The following ZFHX4 variants were observed in gnomAD, a reference collection of about 807,000 sequenced individuals.
The protein encoded by ZFHX4 is zinc finger homeobox protein 4.
ZFHX4 carries 56 observed loss-of-function variants against 267.6 expected under a neutral mutation model. The observed-to-expected ratio is 0.21, with a 90% CI of 0.17 to 0.26. The LOEUF (loss-of-function observed/expected upper bound fraction) is 0.26. Ranked by LOEUF, ZFHX4 falls within the 10% of genes least tolerant of loss-of-function variation. ZFHX4 has a pLI of 1.00. For synonymous variants in ZFHX4, 1,778 were observed against 1,665.6 expected, an observed-to-expected ratio of 1.07 and a Z score of -1.64; for missense variants, 4,332 against 4,420.0, an observed-to-expected ratio of 0.98 and a Z score of 0.56.
chr8:76,851,470 C>A lies in ZFHX4; in HGVS notation c.4549C>A (p.Pro1517Thr). ...TATTCCAGATGACATGGGCTCTGAA[C>A]CAAAGCGGACCTTACCTTTTAGAAA... ...SSIPDDMGSE[P>T]KRTLPFRKGP... Residue 1517 changes from proline (P) to threonine (T), a missense_variant, in exon 10 of 11, where the codon CCA becomes ACA. Pro to Thr is a conservative substitution (Grantham distance 38). Around this residue, in one of 7 missense-constraint regions of ZFHX4, gnomAD observed 1,371 missense variants for 1,423.1 expected, o/e 0.96. Transcript: ENST00000651372. 6.2e-7 allele frequency: 1 copy of A among 1,613,840 alleles called. No homozygotes were observed. Among genetic ancestry groups the A allele is most frequent in the African/African-American group, 1.3e-5 (1 of 75,010 alleles).
Position 76,852,269 on chromosome 8 carries a change from A to C in ZFHX4, c.5348A>C (p.Gln1783Pro). 3 of 1,588,794 alleles carry C rather than the reference A, an allele frequency of 1.9e-6. No homozygotes were observed. Among genetic ancestry groups the C allele is most frequent in the Non-Finnish European group, 2.6e-6 (3 of 1,166,184 alleles). Residue 1783 changes from glutamine (Q) to proline (P), a missense_variant, in exon 10 of 11, where the codon CAA (glutamine) becomes CCA (proline). Around this residue, in one of 7 missense-constraint regions of ZFHX4, gnomAD observed 1,371 missense variants for 1,423.1 expected, o/e 0.96. Coordinates refer to ENST00000651372, the MANE Select transcript of ZFHX4 (RefSeq NM_024721.5). ...CTTGAAGACCTAAAGCAGCAGATTCAAACCCAACATCACGTTGGTCAAACT... is the reference window on the plus strand; with the variant it reads ...CTTGAAGACCTAAAGCAGCAGATTCCAACCCAACATCACGTTGGTCAAACT... ...SLLEDLKQQI[Q>P]TQHHVGQTQL...
chr8:76,823,729 A>G (rs1479632217), intron 4 of ZFHX4, among the ~76,000 whole-genome samples: 4 of 152,202 alleles, frequency 2.6e-5, no homozygotes, highest in Non-Finnish European at 4.4e-5. Context: ...TTAATGGTAA[A>G]TTTATTTCAA....
chr8:76,713,718 C>T (rs1808491334), intron 3 of ZFHX4, among the ~76,000 whole-genome samples: 1 of 152,134 alleles, frequency 6.6e-6, no homozygotes, highest in Non-Finnish European at 1.5e-5. Flanking sequence ...AGAGTCGTGC[C>T]TCCAAAGGTG....
chr8:76,770,551 A>G (rs1439936172), intron 3 of ZFHX4, among the ~76,000 whole-genome samples: 1 of 152,152 alleles, frequency 6.6e-6, no homozygotes, highest in Admixed American at 6.6e-5. Context: ...AGATAAAATA[A>G]TGAACAATAA....
intron 1 of ZFHX4, among the ~76,000 whole-genome samples, chr8:76,688,787 C>A (rs1045808346): frequency 6.6e-6 from 1 of 152,100 alleles, no homozygotes; most frequent in African/African-American, 2.4e-5. Flanking sequence ...GAGGTCACCA[C>A]AAATGATCCA....
In ZFHX4 at chr8:76,853,812, A is replaced by G; in HGVS notation, c.6891A>G (p.Arg2297=). ...NQAETKDNEK[R]ELTNERYIRT... ...CAGAAACAAAAGATAATGAAAAAAGAGAACTCACTAATGAACGGTACATTC... is the reference window on the plus strand; with the variant it reads ...CAGAAACAAAAGATAATGAAAAAAGGGAACTCACTAATGAACGGTACATTC... Residue 2297 remains arginine (R), a synonymous_variant, in exon 10 of 11, where the codon AGA becomes AGG. Transcript: ENST00000651372. 6.2e-7 allele frequency: 1 copy of G among 1,613,866 alleles called. No homozygotes were observed. Among genetic ancestry groups the G allele is most frequent in the Non-Finnish European group, 8.5e-7 (1 of 1,179,830 alleles).
chr8:76,864,505 G>C lies in ZFHX4; in HGVS notation c.10791G>C (p.Lys3597Asn), dbSNP rs1812976392. The C allele has an allele frequency of 6.2e-7, 1 of 1,613,148 alleles. No individual in the cohort carries two copies. The highest frequency in any genetic ancestry group is 8.5e-7 in the Non-Finnish European group (1 of 1,179,610). ...ATAATTCTTTGGAAGTGAAGGCTAA[G>C]CCTGCTTCTGGCCTAGATGGTAATT... ...DLDNSLEVKAKPASGLDGNFN... is the reference protein window; with the variant it reads ...DLDNSLEVKANPASGLDGNFN... The change falls in exon 11 of 11, where the codon AAG (lysine) becomes AAC (asparagine). Residue 3597 changes from lysine to asparagine, a missense_variant. Around this residue, in one of 7 missense-constraint regions of ZFHX4, gnomAD observed 1,648 missense variants for 1,625.0 expected, o/e 1.01. Transcript: ENST00000651372.
intron 1 of ZFHX4, among the ~76,000 whole-genome samples, 175 bp downstream of exon 1, chr8:76,681,795 TCC>T (rs1416049759): frequency 6.6e-6 from 1 of 151,904 alleles, no homozygotes; most frequent in Non-Finnish European, 1.5e-5. Flanking sequence ...GTCGCACACA[TCC>T]CCTCATCCCG....
At chr8:76,804,792 G>T (rs1811205929) in intron 4 of ZFHX4, among the ~76,000 whole-genome samples, 1 of 152,046 alleles carries the variant, frequency 6.6e-6, no homozygotes, top group Non-Finnish European at 1.5e-5. Context: ...GAGGTGAGAG[G>T]TCATGGCGAA....
At chr8:76,794,114 C>A (rs1282395061) in intron 4 of ZFHX4, among the ~76,000 whole-genome samples, 4 of 152,060 alleles carry the variant, frequency 2.6e-5, no homozygotes, top group Non-Finnish European at 5.9e-5. Context: ...CAGAACTTTA[C>A]AAAGCTTTAT....
At chr8:76,842,122 A>G (rs1812249592) in intron 5 of ZFHX4, among the ~76,000 whole-genome samples, 1 of 152,168 alleles carries the variant, frequency 6.6e-6, no homozygotes, top group South Asian at 2.1e-4. Context: ...CAGAAGAAAA[A>G]AAAAATCCCC....
intron 4 of ZFHX4, among the ~76,000 whole-genome samples, chr8:76,826,750 T>C (rs1396352226): frequency 6.6e-6 from 1 of 152,198 alleles, no homozygotes; most frequent in Admixed American, 6.5e-5. Flanking sequence ...TTCAGTTAAG[T>C]AATAGGAGTA....
intron 10 of ZFHX4, 86 bp from the exon 11 acceptor site, chr8:76,863,008 G>A: frequency 7.0e-7 from 1 of 1,434,190 alleles, no homozygotes; most frequent in Non-Finnish European, 9.1e-7. Context: ...AATGTCCTTA[G>A]TGAGTTCTAT....
intron 3 of ZFHX4, among the ~76,000 whole-genome samples, chr8:76,743,573 A>G (rs1809377454): frequency 6.6e-6 from 1 of 152,214 alleles, no homozygotes; most frequent in South Asian, 2.1e-4. Context: ...ATGAAGGCCA[A>G]ATGAAATCTG....
chr8:76,685,434 T>C (rs573490804), intron 1 of ZFHX4, among the ~76,000 whole-genome samples: 1 of 152,202 alleles, frequency 6.6e-6, no homozygotes, highest in Non-Finnish European at 1.5e-5. Context: ...TTTAGGATTT[T>C]CGTTATAAAG....
intron 4 of ZFHX4, among the ~76,000 whole-genome samples, chr8:76,800,567 C>CAT (rs1378031440): frequency 6.6e-6 from 1 of 152,108 alleles, no homozygotes; most frequent in East Asian, 1.9e-4. Context: ...TAAGGGCATT[C>CAT]ACTTTGGGTA....
intron 3 of ZFHX4, among the ~76,000 whole-genome samples, chr8:76,730,601 A>G (rs1808982694): frequency 6.6e-6 from 1 of 152,088 alleles, no homozygotes. Flanking sequence ...CGGGAGGCTG[A>G]GGCATGAGAA....
intron 4 of ZFHX4, chr8:76,782,039 C>A: frequency 6.4e-6 from 2 of 313,164 alleles, no homozygotes; most frequent in Non-Finnish European, 1.3e-5. Flanking sequence ...TTCCATTTTA[C>A]TAGCTATAAT....
intron 3 of ZFHX4, among the ~76,000 whole-genome samples, chr8:76,716,793 A>G (rs1420238939): frequency 6.6e-6 from 1 of 152,202 alleles, no homozygotes; most frequent in Non-Finnish European, 1.5e-5. Flanking sequence ...TAGCTGCTGT[A>G]TGTCCTGGGA....
Sources: allele counts gnomAD v4.1 joint callset (sites outside exome capture counted in the v4.1 genomes callset), GRCh38; gene constraint gnomAD v4.1.1; regional missense constraint gnomAD v4.1.1; transcripts MANE v1.5; gene names NCBI Gene and HGNC (gene_info 2026-07-23, HGNC 2026-07-21).